SCNN1B: variants seen among roughly 807,000 people sequenced by gnomAD.
The protein encoded by SCNN1B is sodium channel epithelial 1 subunit beta.
A neutral mutation model predicts 65.3 loss-of-function variants in SCNN1B; 46 were observed. The ratio of observed to expected loss-of-function variants is 0.70; its 90% confidence interval spans 0.56 to 0.90. The LOEUF is 0.90. Among genes scored for constraint, SCNN1B ranks in the 40% least tolerant of loss-of-function variants. The pLI is 0.00. For missense variants in SCNN1B, 751 were observed against 830.5 expected (o/e 0.90, Z 1.18); for synonymous variants, 349 against 330.6 (o/e 1.06, Z -0.60).
intron 1 of SCNN1B, among the ~76,000 whole-genome samples, chr16:23,304,335 CACA>C (rs1961149862): frequency 1.0e-5 from 1 of 98,658 alleles, no homozygotes; most frequent in Non-Finnish European, 2.3e-5. Flanking sequence ...GAGACATACA[CACA>C]AGCAAGTGTA....
intron 1 of SCNN1B, among the ~76,000 whole-genome samples, chr16:23,333,149 AGAAGGAAG>A (rs57483761): frequency 0.062 from 5,487 of 89,156 alleles, 208 homozygotes; most frequent in East Asian, 0.14. Context: ...AAGGAAGGAA[AGAAGGAAG>A]GAAGGAAGGA....
At chr16:23,345,794 C>A (rs1450015864) in intron 1 of SCNN1B, among the ~76,000 whole-genome samples, 2 of 152,136 alleles carry the variant, frequency 1.3e-5, no homozygotes, top group African/African-American at 2.4e-5. Flanking sequence ...CACAGAGGAA[C>A]CACACTGCCC....
chr16:23,380,011 C>A lies in SCNN1B; in HGVS notation c.1467-83C>A, dbSNP rs1326981807. The stretch of plus-strand genomic sequence containing the variant: ...GGGTGTGTGCACGTGCATGTGTGTG[C>A]ATGTGTCTATGTGCGTGTGTGTGTG... On this transcript the variant is annotated intron_variant, in intron 11 of 12. Coordinates refer to ENST00000343070, the MANE Select transcript of SCNN1B (RefSeq NM_000336.3). The surrounding 1 kb of genome is among the most constrained non-coding windows in gnomAD (Gnocchi z 5.4). 3 of 1,002,730 alleles carry A rather than the reference C, an allele frequency of 3.0e-6. No individual in the cohort carries two copies. Among genetic ancestry groups the A allele is most frequent in the African/African-American group, 3.2e-5 (2 of 63,230 alleles). The allele number at this position is 1,002,730 out of a possible 1,614,324, so 62.1% of individuals were successfully genotyped here.
chr16:23,307,668 C>T (rs915321791), intron 1 of SCNN1B, among the ~76,000 whole-genome samples: 2 of 152,120 alleles, frequency 1.3e-5, no homozygotes, highest in African/African-American at 4.8e-5. Flanking sequence ...GTAGACTAGT[C>T]TTAGATGGGG....
chr16:23,299,059 CTTTTTTTT>C (rs552336545), upstream of SCNN1B, among the ~76,000 whole-genome samples: 1 of 130,554 alleles, frequency 7.7e-6, no homozygotes, highest in Non-Finnish European at 1.7e-5. Flanking sequence ...TTTTCTTTTT[CTTTTTTTT>C]TTTTTTTTTC....
Position 23,371,452 on chromosome 16 carries a change from G to T in SCNN1B, c.1034G>T (p.Gly345Val), listed in dbSNP as rs1355254482. The change falls in exon 6 of 13, where the codon GGG (glycine) becomes GTG (valine). Residue 345 changes from glycine to valine, a missense_variant. Transcript: ENST00000343070. ...YAMSGTETSI[G>V]VLVDKLQRMG... ...ATGTCGGGGACAGAGACGTCCATCG[G>T]GGTACTCGTGGTATGGCCGGAGCCC... The T allele has an allele frequency of 5.0e-6, 8 of 1,613,710 alleles. No individual in the cohort carries two copies. The highest frequency in any genetic ancestry group is 1.3e-5 in the African/African-American group (1 of 74,928).
intron 1 of SCNN1B, among the ~76,000 whole-genome samples, chr16:23,321,223 G>T (rs950259675): frequency 6.6e-6 from 1 of 151,986 alleles, no homozygotes; most frequent in African/African-American, 2.4e-5. Flanking sequence ...TGAATTTTTA[G>T]TACAGACTGG....
chr16:23,308,427 G>A (rs1961266697), intron 1 of SCNN1B, among the ~76,000 whole-genome samples: 1 of 152,028 alleles, frequency 6.6e-6, no homozygotes, highest in Admixed American at 6.6e-5. Context: ...GGAGGCTGAG[G>A]CAGAAGGGTT....
At chr16:23,346,658 G>A (rs1962195467) in intron 1 of SCNN1B, among the ~76,000 whole-genome samples, 1 of 127,690 alleles carries the variant, frequency 7.8e-6, no homozygotes, top group Non-Finnish European at 1.7e-5. Flanking sequence ...GCTCACCCTT[G>A]CAGGCTCCCT....
chr16:23,308,245 G>A (rs753733336), intron 1 of SCNN1B, among the ~76,000 whole-genome samples: 5 of 152,182 alleles, frequency 3.3e-5, no homozygotes, highest in Middle Eastern at 3.4e-3. Flanking sequence ...AGTACAAGCC[G>A]GGTGCAGTGG....
chr16:23,335,609 G>A (rs975734726), intron 1 of SCNN1B, among the ~76,000 whole-genome samples: 1 of 151,866 alleles, frequency 6.6e-6, no homozygotes, highest in Non-Finnish European at 1.5e-5. Context: ...ACCATGCCCA[G>A]CTAATATTTG....
At chr16:23,300,276 C>G (rs1415444381), upstream of SCNN1B, among the ~76,000 whole-genome samples, 1 of 151,954 alleles carries the variant, frequency 6.6e-6, no homozygotes, top group Non-Finnish European at 1.5e-5. Context: ...ACCACCATGG[C>G]ACGTGTATAC....
chr16:23,309,941 G>T (rs1961305405), intron 1 of SCNN1B, among the ~76,000 whole-genome samples: 1 of 152,186 alleles, frequency 6.6e-6, no homozygotes, highest in Admixed American at 6.5e-5. Flanking sequence ...ACAAGTCCTA[G>T]GCAGTGGGGA....
At chr16:23,343,643 G>GAAAA (rs1379077784) in intron 1 of SCNN1B, among the ~76,000 whole-genome samples, 1 of 108,280 alleles carries the variant, frequency 9.2e-6, no homozygotes, top group Non-Finnish European at 1.9e-5. Context: ...AAGAAAGAAA[G>GAAAA]AAAGAAAAAA....
At chr16:23,286,078 C>A (rs777009001) in intron 2 of SCNN1B, among the ~76,000 whole-genome samples, 1 of 152,092 alleles carries the variant, frequency 6.6e-6, no homozygotes, top group Non-Finnish European at 1.5e-5. Flanking sequence ...AAAGGAGGAA[C>A]TATTTGTCAT....
In SCNN1B at chr16:23,380,478, G is replaced by A. The variant is rs1301780648; in HGVS notation, c.1600G>A (p.Val534Met). The A allele has an allele frequency of 6.2e-7, 1 of 1,614,130 alleles. No homozygotes were observed. The highest frequency in any genetic ancestry group is 1.3e-5 in the African/African-American group (1 of 74,946). Reference sequence around the variant, plus strand: ...GTTTGGCTTCTGGATGGGGGGCTCTGTGCTGTGCCTCATCGAGTTTGGGGA... The same window carrying A: ...GTTTGGCTTCTGGATGGGGGGCTCTATGCTGTGCCTCATCGAGTTTGGGGA... ...GQFGFWMGGSVLCLIEFGEII... is the reference protein window; with the variant it reads ...GQFGFWMGGSMLCLIEFGEII... Residue 534 changes from valine to methionine, a missense_variant, in exon 13 of 13, where the codon GTG becomes ATG. Val to Met is a conservative substitution (Grantham distance 21). Coordinates refer to ENST00000343070, the MANE Select transcript of SCNN1B (RefSeq NM_000336.3). The surrounding 1 kb of genome is among the most constrained non-coding windows in gnomAD (Gnocchi z 5.4).
rs763580011 is a variant in SCNN1B at position 23,367,940 on chromosome 16, C to T, written c.861C>T (p.Ala287=). 1.9e-6 allele frequency: 3 copies of T among 1,613,754 alleles called. No individual in the cohort carries two copies. Among genetic ancestry groups the T allele is most frequent in the Non-Finnish European group, 2.5e-6 (3 of 1,179,716 alleles). Residue 287 remains alanine (A), a synonymous_variant, in exon 5 of 13, where the codon GCC becomes GCT. Transcript: ENST00000343070. ...WGMTEKALPS[A]NPGTEFGLKL... ...TGACAGAGAAGGCACTTCCTTCGGC[C>T]AACCCTGGAACTGAATTCGGTGAGT... is the stretch of plus-strand genomic sequence containing the variant.
At chr16:23,282,192 C>T (rs1221519559) in intron 1 of SCNN1B, among the ~76,000 whole-genome samples, 3 of 152,068 alleles carry the variant, frequency 2.0e-5, no homozygotes, top group East Asian at 1.9e-4. Context: ...CCACGTACCA[C>T]GACTGCACTT....
chr16:23,296,544 C>T (rs1313150423), intron 2 of SCNN1B, among the ~76,000 whole-genome samples: 2 of 152,124 alleles, frequency 1.3e-5, no homozygotes, highest in Non-Finnish European at 2.9e-5. Context: ...GGGCAAGTTC[C>T]TTGACACCTC....
Sources: gnomAD v4.1 joint callset for allele counts (sites outside exome capture counted in the v4.1 genomes callset) on GRCh38, gnomAD v4.1.1 for gene constraint, Gnocchi (gnomAD v3.1) non-coding constraint, MANE v1.5 for transcripts, NCBI Gene and HGNC (gene_info 2026-07-23, HGNC 2026-07-21) for gene names.